Variants in SAMD5 observed in about 807,000 individuals in gnomAD.
The protein encoded by SAMD5 is sterile alpha motif domain containing 5.
A neutral mutation model predicts 11.3 loss-of-function variants in SAMD5; 13 were observed. The observed-to-expected ratio is 1.15, with a 90% CI of 0.75 to 1.83. SAMD5 has a LOEUF of 1.83. Ranked by LOEUF, SAMD5 falls within the 40% of genes most tolerant of loss-of-function variation. The pLI, the probability that SAMD5 is intolerant of heterozygous loss-of-function variation, is 0.00. For synonymous variants in SAMD5, 129 were observed against 111.3 expected (o/e 1.16, Z -1.00); for missense variants, 255 against 239.1 (o/e 1.07, Z -0.44).
chr6:147,954,005 TCA>T, the SAMD5 span: 4 of 152,200 alleles, frequency 2.6e-5, no homozygotes, highest in Non-Finnish European at 4.4e-5. Flanking sequence ...TTTGGAAATT[TCA>T]CAGATAAAAC....
chr6:147,720,109 G>A (rs909300249), intron 1 of SAMD5, among the ~76,000 whole-genome samples: 4 of 152,198 alleles, frequency 2.6e-5, no homozygotes, highest in African/African-American at 7.2e-5. Context: ...CACGTACAGT[G>A]TCTGCAGTGT....
the SAMD5 span, among the ~76,000 whole-genome samples, chr6:147,904,660 A>G: frequency 1.3e-5 from 2 of 152,102 alleles, no homozygotes; most frequent in Non-Finnish European, 2.9e-5. Context: ...CTGATCTTCC[A>G]TTTCTCAAAT....
At chr6:147,523,509 A>C (rs777247178) in intron 1 of SAMD5, among the ~76,000 whole-genome samples, 9 of 152,226 alleles carry the variant, frequency 5.9e-5, no homozygotes, top group Non-Finnish European at 1.0e-4. Flanking sequence ...CAATAAAGAT[A>C]TAGCCACTTT....
the SAMD5 span, among the ~76,000 whole-genome samples, chr6:147,933,807 G>A: frequency 1.3e-5 from 2 of 152,156 alleles, no homozygotes; most frequent in East Asian, 1.9e-4. Context: ...AATGCATTGG[G>A]TCTATTTCAC....
chr6:147,835,243 A>AAC, the SAMD5 span, among the ~76,000 whole-genome samples: 1 of 150,616 alleles, frequency 6.6e-6, no homozygotes, highest in African/African-American at 2.5e-5. Context: ...AAAAAAAAAA[A>AAC]AAACAAAAAA....
chr6:147,858,793 A>G, the SAMD5 span, among the ~76,000 whole-genome samples: 1 of 152,212 alleles, frequency 6.6e-6, no homozygotes. Flanking sequence ...CAAGGAAAGC[A>G]AGCACAAGTC....
chr6:147,800,188 A>G, the SAMD5 span, among the ~76,000 whole-genome samples: 1 of 151,934 alleles, frequency 6.6e-6, no homozygotes, highest in South Asian at 2.1e-4. Flanking sequence ...TTTTTTCCCC[A>G]TCTTTGTGGT....
At chr6:147,737,703 C>A, downstream of SAMD5, 1 of 126,752 alleles carries the variant, frequency 7.9e-6, no homozygotes, top group South Asian at 1.9e-4. Context: ...TTTTTTTTGC[C>A]CCTGGGCTGG....
At chr6:147,623,870 AT>A (rs1225468899) in intron 1 of SAMD5, among the ~76,000 whole-genome samples, 4 of 151,204 alleles carry the variant, frequency 2.6e-5, no homozygotes, top group Non-Finnish European at 5.9e-5. Flanking sequence ...CTTTTTTTTT[AT>A]TTTTTTATTT....
chr6:147,823,512 C>T, the SAMD5 span, among the ~76,000 whole-genome samples: 30 of 152,176 alleles, frequency 2.0e-4, no homozygotes, highest in African/African-American at 5.3e-4. Context: ...CCTGCGGTCT[C>T]GTACCTGGAT....
At chr6:147,916,560 T>TTTA in the SAMD5 span, among the ~76,000 whole-genome samples, 1 of 152,102 alleles carries the variant, frequency 6.6e-6, no homozygotes, top group East Asian at 1.9e-4. Flanking sequence ...TTTTTAAAAT[T>TTTA]TTATTATTAT....
chr6:147,868,069 T>C, the SAMD5 span, among the ~76,000 whole-genome samples: 1 of 152,228 alleles, frequency 6.6e-6, no homozygotes, highest in Non-Finnish European at 1.5e-5. Context: ...TTTTACAAGA[T>C]GTTGACTGAA....
Position 147,566,038 on chromosome 6 carries a change from C to T in SAMD5, c.*1582C>T. On this transcript the variant is annotated 3_prime_UTR_variant, in exon 2 of 2. Coordinates refer to ENST00000367474, the MANE Select transcript of SAMD5 (RefSeq NM_001030060.3). ...ACTTTTTCCTGGTCCATTTTGGTTC[C>T]TAAGAATAGATAGGCCATTAAGAAG... The T allele has an allele frequency of 1.0e-6, 1 of 985,166 alleles. No individual in the cohort carries two copies. Among genetic ancestry groups the T allele is most frequent in the South Asian group, 4.7e-5 (1 of 21,280 alleles). The allele number at this position is 985,166 out of a possible 1,614,324, so 61.0% of individuals were successfully genotyped here.
chr6:147,806,277 A>C, the SAMD5 span, among the ~76,000 whole-genome samples: 1 of 150,618 alleles, frequency 6.6e-6, no homozygotes, highest in African/African-American at 2.5e-5. Flanking sequence ...ACTAAGGGAA[A>C]TCTACTTCAA....
intron 1 of SAMD5, among the ~76,000 whole-genome samples, chr6:147,723,876 A>G (rs544422100): frequency 2.6e-5 from 4 of 152,174 alleles, no homozygotes; most frequent in Admixed American, 6.5e-5. Context: ...GCCTCTTTTT[A>G]TGGTTAAGGT....
At chr6:147,545,603 G>A (rs547051001) in intron 1 of SAMD5, among the ~76,000 whole-genome samples, 5 of 152,250 alleles carry the variant, frequency 3.3e-5, no homozygotes, top group East Asian at 1.9e-4. Flanking sequence ...TTAAGGATAA[G>A]CGGACTTTAA....
intron 1 of SAMD5, among the ~76,000 whole-genome samples, chr6:147,634,553 G>A (rs938379344): frequency 6.6e-6 from 1 of 152,210 alleles, no homozygotes; most frequent in African/African-American, 2.4e-5. Flanking sequence ...CGTATCAGAA[G>A]TTTATTCCTT....
In SAMD5 at chr6:147,599,917, G is replaced by A. The variant is rs566091233; in HGVS notation, c.162+90530G>A. Among the ~76,000 whole-genome samples, 5 of 152,258 alleles carry A rather than the reference G, an allele frequency of 3.3e-5. No individual in the cohort carries two copies. The East Asian group carries it at 9.7e-4, about 29-fold the overall frequency. The stretch of plus-strand genomic sequence containing the variant: ...GCTAGGGCTCCAAGAGGTCCCAGTA[G>A]GTGTGTATGGGACCAGGAGGTATAT... On this transcript the variant is annotated intron_variant, in intron 1 of 1. Coordinates refer to the SAMD5 transcript ENST00000566741.
chr6:147,750,344 A>T, the SAMD5 span, among the ~76,000 whole-genome samples: 1 of 152,216 alleles, frequency 6.6e-6, no homozygotes, highest in Non-Finnish European at 1.5e-5. Context: ...TATTTCACTT[A>T]GTTGGCTCCA....
Sources: allele counts gnomAD v4.1 joint callset (sites outside exome capture counted in the v4.1 genomes callset), GRCh38; gene constraint gnomAD v4.1.1; transcripts MANE v1.5; gene names NCBI Gene and HGNC (gene_info 2026-07-23, HGNC 2026-07-21).